The following AR variants were observed in gnomAD, a reference collection of about 807,000 sequenced individuals.
AR encodes dihydrotestosterone receptor.
AR carries 8 observed loss-of-function variants against 53.9 expected under a neutral mutation model. The ratio of observed to expected loss-of-function variants is 0.15; its 90% CI spans 0.09 to 0.27. The LOEUF is 0.27. Ranked by LOEUF, AR falls within the 10% of genes least tolerant of loss-of-function variation. The pLI is 1.00. For synonymous variants in AR, 359 were observed against 316.4 expected (o/e 1.13, Z -1.43); for missense variants, 639 against 742.5 (o/e 0.86, Z 1.62).
chrX:67,686,236 G>A (rs1456245416), intron 3 of AR, 110 bp downstream of exon 3: 2 of 872,093 alleles, frequency 2.3e-6, no homozygotes, highest in Non-Finnish European at 3.3e-6. Flanking sequence ...AAGGGGACCA[G>A]CCATGCTCTA....
At chrX:67,693,592 T>C (rs1177278509) in intron 3 of AR, among the ~76,000 whole-genome samples, 1 of 112,098 alleles carries the variant, frequency 8.9e-6, no homozygotes, top group Non-Finnish European at 1.9e-5. Context: ...AGCAAGCTGC[T>C]TTTTGGAGAC....
intron 1 of AR, among the ~76,000 whole-genome samples, chrX:67,618,719 T>C (rs1461926877): frequency 9.0e-6 from 1 of 111,425 alleles, no homozygotes; most frequent in Admixed American, 9.6e-5. Context: ...ATTGAATAAG[T>C]GGTAGCCTCT....
intron 1 of AR, among the ~76,000 whole-genome samples, chrX:67,571,172 T>C (rs1217666995): frequency 8.9e-6 from 1 of 112,034 alleles, no homozygotes; most frequent in Admixed American, 9.4e-5. Flanking sequence ...TCTTTGATTA[T>C]ATTATTTTCT....
chrX:67,694,698 G>T, intron 3 of AR: 1 of 1,154,815 alleles, frequency 8.7e-7, no homozygotes. Context: ...GCAATTGCAA[G>T]CATCTCAAAA....
At chrX:67,592,462 T>G (rs1004416105) in intron 1 of AR, among the ~76,000 whole-genome samples, 4 of 111,366 alleles carry the variant, frequency 3.6e-5, no homozygotes, top group African/African-American at 9.8e-5. Flanking sequence ...TTCAGATTTT[T>G]CTACCTTTCT....
At chrX:67,607,243 G>A (rs891004186) in intron 1 of AR, among the ~76,000 whole-genome samples, 1 of 110,905 alleles carries the variant, frequency 9.0e-6, no homozygotes. Flanking sequence ...TGGTCAGGCT[G>A]TCTTGAACTC....
In AR at chrX:67,695,404, G is replaced by A. The variant is rs1284783843; in HGVS notation, c.1885+9278G>A. The stretch of plus-strand genomic sequence containing the variant: ...GCCAACCCCTCTCTTCAAACACACT[G>A]AGAGACTACAGTCCGACTTTCCCTC... On this transcript the variant is annotated intron_variant, in intron 3 of 7. Transcript: ENST00000374690. The A allele has an allele frequency of 2.3e-5, 17 of 751,377 alleles. No individual in the cohort carries two copies. In the Admixed American group the frequency reaches 6.2e-4, roughly 28 times the overall value. 61.9% of individuals were successfully genotyped at this position (751,377 alleles called of 1,213,427 possible).
chrX:67,707,567 C>T (rs1430181487), intron 3 of AR, among the ~76,000 whole-genome samples: 2 of 111,488 alleles, frequency 1.8e-5, no homozygotes, highest in Admixed American at 9.6e-5. Flanking sequence ...GAATACAGCA[C>T]ACTGATGGGT....
intron 2 of AR, among the ~76,000 whole-genome samples, chrX:67,670,023 A>T (rs2075853845): frequency 1.0e-5 from 1 of 99,381 alleles, no homozygotes; most frequent in South Asian, 4.9e-4. Flanking sequence ...AAGAACAATT[A>T]TTATTTTTTA....
chrX:67,671,105 T>A (rs2075862562), intron 2 of AR, among the ~76,000 whole-genome samples: 1 of 112,389 alleles, frequency 8.9e-6, no homozygotes, highest in African/African-American at 3.2e-5. Context: ...TATAATCTTT[T>A]GGGTATATAC....
intron 1 of AR, among the ~76,000 whole-genome samples, chrX:67,627,499 T>G (rs1924748834): frequency 1.8e-5 from 2 of 111,662 alleles, no homozygotes; most frequent in Admixed American, 9.5e-5. Flanking sequence ...TCTTGTAAAT[T>G]TGTTTGAGTT....
In AR at chrX:67,725,605, G is replaced by A. The variant is rs1000076103; in HGVS notation, c.*1764G>A. The A allele has an allele frequency of 3.5e-5, 6 of 173,888 alleles. No homozygotes were observed. Among genetic ancestry groups the A allele is most frequent in the African/African-American group, 8.9e-5 (3 of 33,722 alleles). 14.3% of individuals were successfully genotyped at this position (173,888 alleles called of 1,213,427 possible). Reference sequence around the variant, plus strand: ...TGACTACTGAATTAAAATCTTCAGCGGCAAAGCCTAAAGCCAGATGGACAC... The same window carrying A: ...TGACTACTGAATTAAAATCTTCAGCAGCAAAGCCTAAAGCCAGATGGACAC... On this transcript the variant is annotated 3_prime_UTR_variant, in exon 8 of 8. Transcript: ENST00000374690.
intron 7 of AR, among the ~76,000 whole-genome samples, chrX:67,723,312 C>CTCTCTGTGTGTGTGTGTG (rs1555997940): frequency 1.3e-5 from 1 of 78,009 alleles, no homozygotes; most frequent in African/African-American, 5.4e-5. Context: ...GTTTGTCTGT[C>CTCTCTGTGTGTGTGTGTG]TGTGTGTGTG....
At chrX:67,636,239 A>G (rs1216531100) in intron 1 of AR, among the ~76,000 whole-genome samples, 1 of 110,742 alleles carries the variant, frequency 9.0e-6, no homozygotes, top group African/African-American at 3.3e-5. Context: ...AAGAGCATAA[A>G]TCTACTTATA....
intron 4 of AR, among the ~76,000 whole-genome samples, chrX:67,712,406 C>T (rs1202096734): frequency 8.9e-6 from 1 of 112,380 alleles, no homozygotes; most frequent in Non-Finnish European, 1.9e-5. Flanking sequence ...AGTTGGATAA[C>T]AGAAGTTCCT....
intron 2 of AR, among the ~76,000 whole-genome samples, chrX:67,660,396 T>A (rs1373812418): frequency 9.0e-6 from 1 of 111,695 alleles, no homozygotes; most frequent in Non-Finnish European, 1.9e-5. Context: ...TAGTATAAGG[T>A]GTAAGGAAGG....
chrX:67,604,032 G>T (rs1923504112), intron 1 of AR, among the ~76,000 whole-genome samples: 1 of 110,762 alleles, frequency 9.0e-6, no homozygotes, highest in Non-Finnish European at 1.9e-5. Context: ...TACCAAGACA[G>T]CTTGGCTCTA....
intron 2 of AR, among the ~76,000 whole-genome samples, chrX:67,682,876 T>C (rs1209736072): frequency 8.9e-6 from 1 of 111,909 alleles, no homozygotes; most frequent in African/African-American, 3.2e-5. Context: ...TTTTAGGACT[T>C]ACAGAAAAAA....
intron 1 of AR, among the ~76,000 whole-genome samples, chrX:67,620,988 G>T (rs1924346413): frequency 1.8e-5 from 2 of 112,034 alleles, no homozygotes; most frequent in Non-Finnish European, 3.8e-5. Flanking sequence ...TTTACCATCT[G>T]TTAAAATGAT....
Sources: gnomAD v4.1 joint callset for allele counts (sites outside exome capture counted in the v4.1 genomes callset) on GRCh38, gnomAD v4.1.1 for gene constraint, MANE v1.5 for transcripts, NCBI Gene and HGNC (gene_info 2026-07-23, HGNC 2026-07-21) for gene names.